LRRTM3: variants seen among roughly 807,000 people sequenced by gnomAD.
LRRTM3 encodes the protein leucine rich repeat transmembrane neuronal 3, also known as leucine-rich repeat transmembrane neuronal protein 3.
Under a neutral mutation model 44.7 loss-of-function variants are expected in LRRTM3, and 24 were observed. That is an observed-to-expected ratio of 0.54 (90% CI 0.39 to 0.76). The LOEUF is 0.76. LRRTM3 is among the 30% of genes least tolerant of loss of function. The pLI is 0.00. For synonymous variants in LRRTM3, 277 were observed against 278.7 expected (o/e 0.99, Z 0.06); for missense variants, 587 against 702.2 (o/e 0.84, Z 1.85).
In LRRTM3 at chr10:67,097,765, G is replaced by A. The variant is rs757485478; in HGVS notation, c.1715G>A (p.Arg572Gln). 9 of 1,612,340 alleles carry A rather than the reference G, an allele frequency of 5.6e-6. No homozygotes were observed. Among genetic ancestry groups the A allele is most frequent in the East Asian group, 2.2e-5 (1 of 44,828 alleles). Reference protein sequence around the residue: ...LDLSTITTAGRISDHKQQLA With the variant: ...LDLSTITTAGQISDHKQQLA ...CTGAGCACAATCACAACAGCTGGCC[G>A]AATCAGTGACCATAAACAGCAGCTA... The change falls in exon 3 of 3, where the codon CGA becomes CAA. Residue 572 changes from arginine to glutamine, a missense_variant. By Grantham distance (43) the Arg-to-Gln change is conservative. Around this residue, in one of 3 missense-constraint regions of LRRTM3, gnomAD observed 315 missense variants for 335.6 expected, o/e 0.94. Coordinates refer to ENST00000361320, the MANE Select transcript of LRRTM3 (RefSeq NM_178011.5).
intron 2 of LRRTM3, among the ~76,000 whole-genome samples, chr10:66,959,144 G>A (rs541601929): frequency 2.0e-5 from 3 of 152,142 alleles, no homozygotes; most frequent in South Asian, 2.1e-4. Flanking sequence ...TCAGACTCAC[G>A]GCAAAAGCTT....
intron 2 of LRRTM3, among the ~76,000 whole-genome samples, chr10:67,015,100 A>G (rs896316480): frequency 2.6e-5 from 4 of 152,138 alleles, no homozygotes; most frequent in Non-Finnish European, 4.4e-5. Flanking sequence ...CTATTTCAAC[A>G]TTAGGTAGTA....
At position 66,948,219 on chromosome 10, in the gene LRRTM3, G is replaced by A. The variant is rs368943092; in HGVS notation, c.1536+19767G>A. On this transcript the variant is annotated intron_variant, in intron 2 of 2. Coordinates refer to ENST00000361320, the MANE Select transcript of LRRTM3 (RefSeq NM_178011.5). ...GAAATTCTCAAATTATGCCCACTTGGTGAACTGTGATCAGACAGACTGAAA... is the reference window on the plus strand; with the variant it reads ...GAAATTCTCAAATTATGCCCACTTGATGAACTGTGATCAGACAGACTGAAA... Among the ~76,000 whole-genome samples, 15 of 152,268 alleles carry A rather than the reference G, an allele frequency of 9.9e-5. No individual in the cohort carries two copies. In the South Asian group the frequency reaches 2.5e-3, roughly 25 times the overall value.
chr10:67,063,385 T>A (rs555850993), intron 2 of LRRTM3, among the ~76,000 whole-genome samples: 1 of 152,304 alleles, frequency 6.6e-6, no homozygotes, highest in Admixed American at 6.5e-5. Flanking sequence ...TAAAAATATA[T>A]GCCTTTAAAA....
intron 2 of LRRTM3, among the ~76,000 whole-genome samples, chr10:67,001,685 T>C (rs1479775718): frequency 3.3e-5 from 5 of 152,178 alleles, no homozygotes; most frequent in Admixed American, 6.6e-5. Context: ...CCTAATTGTA[T>C]TCATAATGCA....
intron 2 of LRRTM3, among the ~76,000 whole-genome samples, chr10:67,090,735 G>A (rs1048842931): frequency 2.0e-5 from 3 of 152,002 alleles, no homozygotes; most frequent in Non-Finnish European, 4.4e-5. Context: ...ACGTGTCCAG[G>A]CCACGCATCA....
chr10:66,954,194 T>A (rs1293791948), intron 2 of LRRTM3, among the ~76,000 whole-genome samples: 1 of 152,200 alleles, frequency 6.6e-6, no homozygotes, highest in Non-Finnish European at 1.5e-5. Flanking sequence ...ATATATAGAT[T>A]TTTCTTAATA....
intron 2 of LRRTM3, among the ~76,000 whole-genome samples, chr10:66,966,254 T>A (rs1450742517): frequency 6.6e-6 from 1 of 152,142 alleles, no homozygotes; most frequent in East Asian, 1.9e-4. Flanking sequence ...GAAAAATAAG[T>A]TCCTTTTAAA....
intron 2 of LRRTM3, among the ~76,000 whole-genome samples, chr10:66,978,239 T>C (rs1210521642): frequency 2.0e-5 from 3 of 151,830 alleles, no homozygotes; most frequent in South Asian, 2.1e-4. Flanking sequence ...CAATATTGTA[T>C]TGTGGGCCAA....
intron 2 of LRRTM3, among the ~76,000 whole-genome samples, chr10:67,042,269 G>C (rs952253648): frequency 1.3e-5 from 2 of 152,106 alleles, no homozygotes; most frequent in Non-Finnish European, 2.9e-5. Context: ...GCATCTCTGT[G>C]ATAGAGAATC....
At chr10:66,955,599 T>A (rs955279865) in intron 2 of LRRTM3, among the ~76,000 whole-genome samples, 3 of 152,118 alleles carry the variant, frequency 2.0e-5, no homozygotes, top group African/African-American at 7.2e-5. Flanking sequence ...AGACACTCAA[T>A]AAATGTTGGA....
intron 2 of LRRTM3, 126 bp downstream of exon 2, chr10:66,928,578 G>A (rs1847204468): frequency 1.7e-5 from 14 of 844,974 alleles, no homozygotes; most frequent in Non-Finnish European, 2.5e-5. Flanking sequence ...TCACTTTGCT[G>A]GCAAGATCCT....
intron 2 of LRRTM3, among the ~76,000 whole-genome samples, chr10:66,996,647 T>TATAAAAAAAAAA (rs1440460577): frequency 1.1e-4 from 1 of 8,950 alleles, no homozygotes. Flanking sequence ...ACTCCGTCTC[T>TATAAAAAAAAAA]ACAAAAAAAA....
chr10:67,038,710 G>A (rs1025159988), intron 2 of LRRTM3, among the ~76,000 whole-genome samples: 4 of 152,136 alleles, frequency 2.6e-5, no homozygotes, highest in African/African-American at 9.6e-5. Context: ...AATTAACAGG[G>A]TTAACAGTCC....
At chr10:66,949,687 T>C (rs574528940) in intron 2 of LRRTM3, among the ~76,000 whole-genome samples, 11 of 152,320 alleles carry the variant, frequency 7.2e-5, no homozygotes, top group Non-Finnish European at 1.5e-4. Flanking sequence ...TTTCAAATGC[T>C]TATAGTATGT....
intron 2 of LRRTM3, 133 bp downstream of exon 2, chr10:66,928,585 T>A (rs1847205201): frequency 1.3e-6 from 1 of 772,382 alleles, no homozygotes; most frequent in African/African-American, 1.8e-5. Flanking sequence ...GCTGGCAAGA[T>A]CCTTCCTTGT....
intron 2 of LRRTM3, among the ~76,000 whole-genome samples, chr10:66,975,719 C>A (rs906008457): frequency 6.6e-6 from 1 of 152,164 alleles, no homozygotes; most frequent in African/African-American, 2.4e-5. Context: ...TTCGTCCTAT[C>A]TGCAGAGCAG....
chr10:66,982,238 G>T (rs919719489), intron 2 of LRRTM3, among the ~76,000 whole-genome samples: 1 of 152,168 alleles, frequency 6.6e-6, no homozygotes. Flanking sequence ...GCTAGATTTT[G>T]CTAGTTAAGC....
At chr10:66,992,428 C>T (rs1389769925) in intron 2 of LRRTM3, among the ~76,000 whole-genome samples, 1 of 151,932 alleles carries the variant, frequency 6.6e-6, no homozygotes, top group African/African-American at 2.4e-5. Flanking sequence ...CCTCTTTCTC[C>T]TTCTTCTTGT....
Sources: allele counts gnomAD v4.1 joint callset (sites outside exome capture counted in the v4.1 genomes callset), GRCh38; gene constraint gnomAD v4.1.1; regional missense constraint gnomAD v4.1.1; transcripts MANE v1.5; gene names NCBI Gene and HGNC (gene_info 2026-07-23, HGNC 2026-07-21).